ST6GALNAC5: variants seen among roughly 807,000 people sequenced by gnomAD.
The protein encoded by ST6GALNAC5 is ST6 N-acetylgalactosaminide alpha-2,6-sialyltransferase 5.
In ST6GALNAC5, 27 loss-of-function variants were observed where a neutral mutation model predicts 33.6. That is an observed-to-expected ratio of 0.80 (90% CI 0.59 to 1.11). ST6GALNAC5 has a LOEUF of 1.11. Among genes scored for constraint, ST6GALNAC5 ranks in the 50% least tolerant of loss-of-function variants. The pLI is 0.00. For missense variants in ST6GALNAC5, 428 were observed against 454.0 expected (o/e 0.94, Z 0.52); for synonymous variants, 194 against 171.2 (o/e 1.13, Z -1.04).
rs568142207 is a variant in ST6GALNAC5 at position 76,970,040 on chromosome 1, A to T, written c.262-74164A>T. On this transcript the variant is annotated intron_variant, in intron 2 of 4. Transcript: ENST00000477717. ...AAAAGGACATCCACACCAAAACCCC[A>T]TCTGTATGTCACCAACATCAAAGAC... Among the ~76,000 whole-genome samples the T allele has an allele frequency of 3.3e-5, 5 of 152,214 alleles. No individual in the cohort carries two copies. The South Asian group carries it at 1.0e-3, about 32-fold the overall frequency.
intron 2 of ST6GALNAC5, among the ~76,000 whole-genome samples, chr1:76,976,176 T>A (rs1649003071): frequency 6.6e-6 from 1 of 152,132 alleles, no homozygotes; most frequent in Non-Finnish European, 1.5e-5. Flanking sequence ...ATGAGGGACT[T>A]CCAGGGTGCT....
intron 2 of ST6GALNAC5, among the ~76,000 whole-genome samples, chr1:76,982,321 G>T (rs879786805): frequency 3.3e-5 from 5 of 152,184 alleles, no homozygotes; most frequent in Non-Finnish European, 7.3e-5. Context: ...GACCTTAAAT[G>T]ACCTGATGGA....
chr1:76,979,712 A>G (rs1444493918), intron 2 of ST6GALNAC5, among the ~76,000 whole-genome samples: 2 of 152,228 alleles, frequency 1.3e-5, no homozygotes, highest in African/African-American at 4.8e-5. Context: ...AGATCACCTG[A>G]GATCAAGAAT....
Position 76,952,801 on chromosome 1 carries a change from G to A in ST6GALNAC5, c.261+84059G>A, listed in dbSNP as rs561532674. ...AGAGTTTGCACTTGTGCACCCCCTC[G>A]CCTGCCCCATCACCATAAAGGAACA... On this transcript the variant is annotated intron_variant, in intron 2 of 4. Transcript: ENST00000477717. 4.1e-4 allele frequency among the ~76,000 whole-genome samples: 63 copies of A among 151,888 alleles called. 1 individual carries two copies. Among genetic ancestry groups the A allele is most frequent in the African/African-American group, 1.2e-3 (51 of 41,450 alleles).
At chr1:76,897,670 G>T (rs1646763813) in intron 2 of ST6GALNAC5, among the ~76,000 whole-genome samples, 1 of 152,184 alleles carries the variant, frequency 6.6e-6, no homozygotes, top group African/African-American at 2.4e-5. Flanking sequence ...TTGGGAAGAA[G>T]GGCGGCAGTA....
chr1:76,920,654 A>G (rs1488444213), intron 2 of ST6GALNAC5, among the ~76,000 whole-genome samples: 1 of 152,156 alleles, frequency 6.6e-6, no homozygotes, highest in African/African-American at 2.4e-5. Context: ...CATGCTGTGT[A>G]CCTGCATTAC....
At chr1:77,012,302 T>C (rs12128106) in intron 2 of ST6GALNAC5, among the ~76,000 whole-genome samples, 36,031 of 152,056 alleles carry the variant, frequency 0.24, 4,388 homozygotes, top group African/African-American at 0.29. Flanking sequence ...TCCCAGCCAA[T>C]AGAAAAATAG....
At chr1:76,995,430 T>C (rs970839292) in intron 2 of ST6GALNAC5, 3 of 152,166 alleles carry the variant, frequency 2.0e-5, no homozygotes, top group African/African-American at 4.8e-5. Context: ...CAGAATGGCA[T>C]TGAAAGGCAG....
At chr1:76,975,028 C>A (rs1402280212) in intron 2 of ST6GALNAC5, among the ~76,000 whole-genome samples, 1 of 151,922 alleles carries the variant, frequency 6.6e-6, no homozygotes, top group African/African-American at 2.4e-5. Flanking sequence ...CTCAGGTGAT[C>A]TGCCTGCCTC....
At chr1:77,048,665 A>G (rs894456922) in intron 3 of ST6GALNAC5, among the ~76,000 whole-genome samples, 1 of 152,234 alleles carries the variant, frequency 6.6e-6, no homozygotes, top group Non-Finnish European at 1.5e-5. Flanking sequence ...GAATGTTGGA[A>G]GAATTTTCTT....
chr1:76,889,226 A>G (rs1252821493), intron 2 of ST6GALNAC5, among the ~76,000 whole-genome samples: 1 of 152,064 alleles, frequency 6.6e-6, no homozygotes, highest in African/African-American at 2.4e-5. Flanking sequence ...ATTACATTCC[A>G]TCGTATTGCA....
intron 2 of ST6GALNAC5, among the ~76,000 whole-genome samples, chr1:76,871,893 C>T (rs1653512886): frequency 1.3e-5 from 2 of 152,080 alleles, no homozygotes; most frequent in South Asian, 2.1e-4. Context: ...TCATTTCCAT[C>T]GTGTTACATG....
intron 2 of ST6GALNAC5, among the ~76,000 whole-genome samples, chr1:76,910,742 G>T (rs555231074): frequency 3.7e-4 from 57 of 152,134 alleles, no homozygotes; most frequent in Non-Finnish European, 6.0e-4. Flanking sequence ...CATCCATACA[G>T]TTGGAGGTAT....
At chr1:76,900,818 T>A (rs542889789) in intron 2 of ST6GALNAC5, among the ~76,000 whole-genome samples, 15 of 152,362 alleles carry the variant, frequency 9.8e-5, no homozygotes, top group African/African-American at 3.6e-4. Context: ...TTATTACTAG[T>A]GAATGCTTTT....
intron 2 of ST6GALNAC5, among the ~76,000 whole-genome samples, chr1:76,936,910 G>A (rs1252590): frequency 0.57 from 86,334 of 150,436 alleles, 25,055 homozygotes; most frequent in South Asian, 0.6. Flanking sequence ...ATGATACTAA[G>A]ACTGAAAAGA....
At chr1:76,993,809 G>A (rs1649824403) in intron 2 of ST6GALNAC5, among the ~76,000 whole-genome samples, 1 of 151,904 alleles carries the variant, frequency 6.6e-6, no homozygotes, top group Non-Finnish European at 1.5e-5. Context: ...CATTAAGCTT[G>A]CCCTGTAAAG....
At chr1:76,939,198 G>A (rs1386118162) in intron 2 of ST6GALNAC5, among the ~76,000 whole-genome samples, 2 of 151,960 alleles carry the variant, frequency 1.3e-5, no homozygotes, top group Admixed American at 6.6e-5. Context: ...TGGGACACTC[G>A]TGCCATCTCT....
At chr1:76,943,756 C>T (rs2100328232) in intron 2 of ST6GALNAC5, among the ~76,000 whole-genome samples, 1 of 151,636 alleles carries the variant, frequency 6.6e-6, no homozygotes, top group Admixed American at 6.6e-5. Flanking sequence ...TAACTGGAAT[C>T]TTTTTTTTTC....
chr1:76,936,546 G>A (rs186331667), intron 2 of ST6GALNAC5, among the ~76,000 whole-genome samples: 3 of 152,124 alleles, frequency 2.0e-5, no homozygotes, highest in Non-Finnish European at 4.4e-5. Context: ...TCATGGGCCA[G>A]TTTCACAGAA....
Sources: allele counts gnomAD v4.1 joint callset (sites outside exome capture counted in the v4.1 genomes callset), GRCh38; gene constraint gnomAD v4.1.1; transcripts MANE v1.5; gene names NCBI Gene and HGNC (gene_info 2026-07-23, HGNC 2026-07-21).